Variants in MCM10 observed in about 807,000 individuals in gnomAD.
The protein encoded by MCM10 is minichromosome maintenance 10 replication initiation factor, also known as protein MCM10 homolog.
In MCM10, 91 loss-of-function variants were observed where a neutral mutation model predicts 109.9. The ratio of observed to expected loss-of-function variants is 0.83; its 90% CI spans 0.70 to 0.99. The LOEUF is 0.99. Ranked by LOEUF, MCM10 falls within the 50% of genes least tolerant of loss-of-function variation. The pLI is 0.00. For missense variants in MCM10, 1,077 were observed against 1,061.2 expected, an observed-to-expected ratio of 1.01 and a Z score of -0.21; for synonymous variants, 380 against 387.2, an observed-to-expected ratio of 0.98 and a Z score of 0.22.
At chr10:13,163,928 C>A (rs1390228770) in intron 1 of MCM10, among the ~76,000 whole-genome samples, 200 bp from the exon 2 acceptor site, 2 of 152,096 alleles carry the variant, frequency 1.3e-5, no homozygotes, top group Non-Finnish European at 2.9e-5. Flanking sequence ...TAACCTTAAA[C>A]ACAAGTAAAA....
At chr10:13,180,171 A>T (rs138888495) in intron 6 of MCM10, among the ~76,000 whole-genome samples, 3,074 of 152,232 alleles carry the variant, frequency 0.02, 62 homozygotes, top group Middle Eastern at 0.041. Flanking sequence ...GAATCACTTG[A>T]ACCTGGGAGG....
Position 13,210,167 on chromosome 10 carries a change from A to G in MCM10, c.*857A>G, listed in dbSNP as rs1834641178. On this transcript the variant is annotated 3_prime_UTR_variant, in exon 20 of 20. Transcript: ENST00000378714. ...TTCCCTGGGCTCAAGCAGTCCTCCC[A>G]CCTCAGTCTCCCAAATAGCTAGGAC... 6.6e-6 allele frequency: 1 copy of G among 151,796 alleles called. No individual in the cohort carries two copies. Among genetic ancestry groups the G allele is most frequent in the Non-Finnish European group, 1.5e-5 (1 of 67,984 alleles). The allele number at this position is 151,796 out of a possible 1,614,324, so 9.4% of individuals were successfully genotyped here. A position where few individuals can be genotyped will look rare whatever the true frequency, so the allele number is the denominator to read the frequency against.
At chr10:13,167,147 TAAAC>T (rs1834012283) in intron 2 of MCM10, among the ~76,000 whole-genome samples, 1 of 151,684 alleles carries the variant, frequency 6.6e-6, no homozygotes, top group Non-Finnish European at 1.5e-5. Context: ...AATAAATAAA[TAAAC>T]AAACAAAAAA....
intron 2 of MCM10, among the ~76,000 whole-genome samples, chr10:13,169,915 A>G (rs1042109317): frequency 6.6e-6 from 1 of 152,204 alleles, no homozygotes; most frequent in Non-Finnish European, 1.5e-5. Flanking sequence ...TTTCTTGGCC[A>G]GGCTGGTCTT....
chr10:13,198,609 G>A, intron 15 of MCM10, 80 bp from the exon 16 acceptor site: 3 of 872,760 alleles, frequency 3.4e-6, no homozygotes, highest in Non-Finnish European at 5.8e-6. Flanking sequence ...AGGAGGGAGT[G>A]GGAGGGAGTA....
chr10:13,204,064 T>C (rs1376330036), intron 17 of MCM10, among the ~76,000 whole-genome samples, 155 bp from the exon 18 acceptor site: 2 of 152,154 alleles, frequency 1.3e-5, no homozygotes, highest in African/African-American at 4.8e-5. Context: ...CACGGGTCAC[T>C]GTAGCAAGAG....
chr10:13,163,552 A>G (rs1428398010), intron 1 of MCM10, among the ~76,000 whole-genome samples: 1 of 152,106 alleles, frequency 6.6e-6, no homozygotes, highest in African/African-American at 2.4e-5. Context: ...ACTAGTATTG[A>G]ATCAAAATCC....
chr10:13,200,708 C>G (rs146721902), intron 16 of MCM10, among the ~76,000 whole-genome samples: 153 of 152,378 alleles, frequency 1.0e-3, no homozygotes, highest in Non-Finnish European at 1.9e-3. Flanking sequence ...CCCGTGCACC[C>G]AGGAAACTCA....
chr10:13,175,549 C>A lies in MCM10; in HGVS notation c.632C>A (p.Ser211Tyr). 6.2e-7 allele frequency: 1 copy of A among 1,614,120 alleles called. No homozygotes were observed. The highest frequency in any genetic ancestry group is 1.3e-5 in the African/African-American group (1 of 75,036). The change falls in exon 6 of 20, where the codon TCC (serine) becomes TAC (tyrosine). Residue 211 changes from serine (S) to tyrosine (Y), a missense_variant. Transcript: ENST00000378714. ...TCTTCAAGGATGACAAGTGCACCCTCCCAACCCCTACAGACGATTTCTCGG... is the reference window on the plus strand; with the variant it reads ...TCTTCAAGGATGACAAGTGCACCCTACCAACCCCTACAGACGATTTCTCGG... ...SSSSRMTSAPSQPLQTISRNK... is the reference protein window; with the variant it reads ...SSSSRMTSAPYQPLQTISRNK...
Position 13,188,991 on chromosome 10 carries a change from T to G in MCM10, c.1326T>G (p.Phe442Leu), listed in dbSNP as rs1834312164. The G allele has an allele frequency of 6.2e-6, 10 of 1,614,250 alleles. No homozygotes were observed. The South Asian group carries it at 9.9e-5, about 16-fold the overall frequency. ...TFSGGRIPKK[F>L]ARRGTSLKER... ...CTGGAGGACGAATTCCAAAGAAGTT[T>G]GCCCGCAGAGGCACCAGCCTCAAAG... The change falls in exon 10 of 20, where the codon TTT (phenylalanine) becomes TTG (leucine). Residue 442 changes from phenylalanine to leucine, a missense_variant. Phe to Leu is a conservative substitution (Grantham distance 22). Coordinates refer to ENST00000378714, the MANE Select transcript of MCM10 (RefSeq NM_018518.5).
chr10:13,188,600 A>G (rs1050149248), intron 9 of MCM10, among the ~76,000 whole-genome samples: 3 of 152,014 alleles, frequency 2.0e-5, no homozygotes, highest in Admixed American at 6.6e-5. Flanking sequence ...GACTTCTTTC[A>G]CCTAACTTGT....
At chr10:13,162,266 G>A (rs921991326) in intron 1 of MCM10, among the ~76,000 whole-genome samples, 7 of 151,846 alleles carry the variant, frequency 4.6e-5, no homozygotes, top group Admixed American at 3.9e-4. Flanking sequence ...AAAATGTGAG[G>A]GAGTAGAAAG....
Position 13,192,555 on chromosome 10 carries a change from G to A in MCM10, c.1732G>A (p.Glu578Lys). The change falls in exon 13 of 20, where the codon GAA (glutamate) becomes AAA (lysine). Residue 578 changes from glutamate to lysine, a missense_variant. By Grantham distance (56) the Glu-to-Lys change is moderately conservative. Coordinates refer to ENST00000378714, the MANE Select transcript of MCM10 (RefSeq NM_018518.5). The stretch of plus-strand genomic sequence containing the variant: ...GGAGATGAGGAGAAGGAAATCAGAA[G>A]AAATACAGAAGCGGTAAGAGGAGCA... ...MLEMRRRKSE[E>K]IQKRFLQSSS... 6.2e-7 allele frequency: 1 copy of A among 1,614,126 alleles called. No homozygotes were observed. The highest frequency in any genetic ancestry group is 8.5e-7 in the Non-Finnish European group (1 of 1,179,990).
chr10:13,211,023 G>T lies in MCM10; in HGVS notation c.*1713G>T, dbSNP rs553972421. 2.0e-5 allele frequency: 3 copies of T among 152,248 alleles called. No homozygotes were observed. The highest frequency in any genetic ancestry group is 4.4e-5 in the Non-Finnish European group (3 of 68,002). The allele number at this position is 152,248 out of a possible 1,614,324, so 9.4% of individuals were successfully genotyped here. ...TATTGTTATATAAGTTGTATAATAT[G>T]CTTGTAAAGGCTGAGGGTGAGCTGT... On this transcript the variant is annotated 3_prime_UTR_variant, in exon 20 of 20. Coordinates refer to ENST00000378714, the MANE Select transcript of MCM10 (RefSeq NM_018518.5).
chr10:13,190,446 G>A (rs1206444261), intron 10 of MCM10, among the ~76,000 whole-genome samples: 3 of 152,180 alleles, frequency 2.0e-5, no homozygotes, highest in East Asian at 1.9e-4. Flanking sequence ...CACTTCGGGA[G>A]GCCAAGGCAG....
chr10:13,176,463 G>A (rs1229611906), intron 6 of MCM10, among the ~76,000 whole-genome samples: 1 of 152,192 alleles, frequency 6.6e-6, no homozygotes, highest in Non-Finnish European at 1.5e-5. Flanking sequence ...TTTTAGCACA[G>A]TCCATTTGAG....
chr10:13,198,489 ATC>A (rs1834452220), intron 15 of MCM10, among the ~76,000 whole-genome samples, 198 bp from the exon 16 acceptor site: 1 of 152,072 alleles, frequency 6.6e-6, no homozygotes, highest in Non-Finnish European at 1.5e-5. Context: ...TAGTGGTAAA[ATC>A]TGCCACCACC....
At chr10:13,179,982 A>G (rs1834189301) in intron 6 of MCM10, among the ~76,000 whole-genome samples, 1 of 152,196 alleles carries the variant, frequency 6.6e-6, no homozygotes, top group African/African-American at 2.4e-5. Flanking sequence ...GGCCAGGCGC[A>G]GTGGTTCACA....
At chr10:13,203,488 C>T (rs148753658) in intron 17 of MCM10, among the ~76,000 whole-genome samples, 54 of 152,288 alleles carry the variant, frequency 3.5e-4, no homozygotes, top group African/African-American at 1.2e-3. Context: ...CCATCACACA[C>T]TCACAGTTTC....
Sources: allele counts gnomAD v4.1 joint callset (sites outside exome capture counted in the v4.1 genomes callset), GRCh38; gene constraint gnomAD v4.1.1; transcripts MANE v1.5; gene names NCBI Gene and HGNC (gene_info 2026-07-23, HGNC 2026-07-21).